Variants in STX8 observed in about 807,000 individuals in gnomAD.
The protein encoded by STX8 is syntaxin 8.
STX8 carries 23 observed loss-of-function variants against 37.5 expected under a neutral mutation model. The observed-to-expected ratio is 0.61, with a 90% CI of 0.44 to 0.87. STX8 has a LOEUF of 0.87. Among genes scored for constraint, STX8 ranks in the 40% least tolerant of loss-of-function variants. The pLI is 0.00. For synonymous variants in STX8, 115 were observed against 99.1 expected (o/e 1.16, Z -0.95); for missense variants, 313 against 284.7 (o/e 1.10, Z -0.71).
intron 6 of STX8, among the ~76,000 whole-genome samples, chr17:9,477,994 G>A (rs564007133): frequency 5.3e-5 from 8 of 152,266 alleles, no homozygotes; most frequent in South Asian, 2.1e-4. Flanking sequence ...TGGAAATGCA[G>A]GTCCCTAAGC....
At chr17:9,276,063 T>G (rs1907665015) in intron 7 of STX8, among the ~76,000 whole-genome samples, 2 of 150,380 alleles carry the variant, frequency 1.3e-5, no homozygotes, top group Admixed American at 6.7e-5. Flanking sequence ...GAGCTCTGGC[T>G]GAGGTGTGAG....
chr17:9,332,810 C>T (rs571273271), intron 7 of STX8, among the ~76,000 whole-genome samples: 22 of 152,240 alleles, frequency 1.4e-4, no homozygotes, highest in Non-Finnish European at 3.2e-4. Context: ...AATATAAGCT[C>T]CCTGAGGGCA....
At chr17:9,451,034 C>A (rs1597680614) in intron 6 of STX8, among the ~76,000 whole-genome samples, 2 of 152,222 alleles carry the variant, frequency 1.3e-5, no homozygotes, top group East Asian at 1.9e-4. Flanking sequence ...TATATCACTT[C>A]CTCACTCTAT....
intron 6 of STX8, among the ~76,000 whole-genome samples, chr17:9,468,550 T>C (rs1321401991): frequency 6.6e-6 from 1 of 152,220 alleles, no homozygotes; most frequent in Admixed American, 6.5e-5. Flanking sequence ...CTAACAATTT[T>C]CAAATGCTTA....
chr17:9,400,376 A>T (rs1173233434), intron 6 of STX8, among the ~76,000 whole-genome samples: 1 of 151,112 alleles, frequency 6.6e-6, no homozygotes, highest in Non-Finnish European at 1.5e-5. Context: ...CTGGGGTTAC[A>T]GGTGTGAGCC....
chr17:9,393,352 A>AG (rs1912291019), intron 6 of STX8, among the ~76,000 whole-genome samples: 1 of 152,242 alleles, frequency 6.6e-6, no homozygotes, highest in Non-Finnish European at 1.5e-5. Context: ...GAACAGCTAA[A>AG]GGAAGTTCTT....
intron 4 of STX8, among the ~76,000 whole-genome samples, chr17:9,516,137 T>A (rs1330697732): frequency 6.6e-6 from 1 of 151,736 alleles, no homozygotes; most frequent in Non-Finnish European, 1.5e-5. Flanking sequence ...ATGAGTATAT[T>A]GCCCCTGAGG....
At chr17:9,406,299 C>T (rs1472484564) in intron 6 of STX8, among the ~76,000 whole-genome samples, 2 of 152,212 alleles carry the variant, frequency 1.3e-5, no homozygotes, top group East Asian at 1.9e-4. Flanking sequence ...TATATTATTG[C>T]ACTAAACACA....
At chr17:9,530,143 TA>T (rs974872910) in intron 4 of STX8, among the ~76,000 whole-genome samples, 3 of 151,720 alleles carry the variant, frequency 2.0e-5, no homozygotes, top group African/African-American at 7.3e-5. Flanking sequence ...CCGTTTCTAC[TA>T]AAAAAATACA....
chr17:9,563,354 T>A (rs762284696), intron 2 of STX8, among the ~76,000 whole-genome samples: 87 of 152,132 alleles, frequency 5.7e-4, no homozygotes, highest in African/African-American at 2.0e-3. Context: ...GGCTAATGTT[T>A]TGTATTTTTA....
At position 9,365,121 on chromosome 17, in the gene STX8, C is replaced by T. The variant is rs1911189173; in HGVS notation, c.643+13431G>A. Among the ~76,000 whole-genome samples, 3 of 152,072 alleles carry T rather than the reference C, an allele frequency of 2.0e-5. No homozygotes were observed. In the South Asian group the frequency reaches 6.2e-4, roughly 32 times the overall value. On this transcript the variant is annotated intron_variant, in intron 7 of 7. Transcript: ENST00000306357. ...CTAGATAGATATGAGAAAGAGAGAT[C>T]CCAAAGTAGTATATTGTGACATGTT... is the stretch of plus-strand genomic sequence containing the variant.
intron 6 of STX8, among the ~76,000 whole-genome samples, chr17:9,485,164 C>G (rs1906531221): frequency 6.6e-6 from 1 of 152,064 alleles, no homozygotes; most frequent in African/African-American, 2.4e-5. Context: ...CTGAAGACAA[C>G]ACTGATACAA....
intron 2 of STX8, 145 bp downstream of exon 2, chr17:9,568,226 G>C (rs546719931): frequency 6.8e-6 from 4 of 585,322 alleles, no homozygotes; most frequent in South Asian, 6.7e-5. Context: ...CTACTAACTG[G>C]TTGGGTGTTA....
intron 6 of STX8, among the ~76,000 whole-genome samples, chr17:9,466,808 G>A (rs1032351344): frequency 1.3e-5 from 2 of 152,180 alleles, no homozygotes; most frequent in African/African-American, 2.4e-5. Context: ...AACCACCTCC[G>A]AAGCATGAGG....
chr17:9,357,907 T>C (rs1156691525), intron 7 of STX8, among the ~76,000 whole-genome samples: 2 of 152,186 alleles, frequency 1.3e-5, no homozygotes, highest in Admixed American at 6.5e-5. Flanking sequence ...AGGATTTCCA[T>C]TAGTTTCCAG....
At chr17:9,284,217 G>T (rs1175224734) in intron 7 of STX8, among the ~76,000 whole-genome samples, 2 of 152,044 alleles carry the variant, frequency 1.3e-5, no homozygotes, top group African/African-American at 4.8e-5. Flanking sequence ...AGGATACAGG[G>T]GATCTGCACA....
chr17:9,486,354 C>G (rs141674134), intron 6 of STX8, among the ~76,000 whole-genome samples: 2 of 152,200 alleles, frequency 1.3e-5, no homozygotes, highest in East Asian at 3.9e-4. Context: ...AAGGATTGGT[C>G]AATTTGGGAT....
chr17:9,274,254 C>T (rs1024652059), intron 7 of STX8, among the ~76,000 whole-genome samples: 3 of 152,110 alleles, frequency 2.0e-5, no homozygotes, highest in Non-Finnish European at 4.4e-5. Context: ...GAGGTTAGAT[C>T]TCAACCACTG....
In STX8 at chr17:9,454,407, G is replaced by A. The variant is rs371015735; in HGVS notation, c.541+37422C>T. Among the ~76,000 whole-genome samples, 6 of 152,274 alleles carry A rather than the reference G, an allele frequency of 3.9e-5. No individual in the cohort carries two copies. In the East Asian group the frequency reaches 5.8e-4, roughly 15 times the overall value. The stretch of plus-strand genomic sequence containing the variant: ...CTTATGGGCCGGGCTGGCCGGGCGC[G>A]GTGGCTCACGCCTGTAATCCCAGCA... On this transcript the variant is annotated intron_variant, in intron 6 of 7. Coordinates refer to ENST00000306357, the MANE Select transcript of STX8 (RefSeq NM_004853.3).
Sources: gnomAD v4.1 joint callset for allele counts (sites outside exome capture counted in the v4.1 genomes callset) on GRCh38, gnomAD v4.1.1 for gene constraint, MANE v1.5 for transcripts, NCBI Gene and HGNC (gene_info 2026-07-23, HGNC 2026-07-21) for gene names.